The following RGS7 variants were observed in gnomAD, a reference collection of about 807,000 sequenced individuals.
RGS7 encodes regulator of G protein signaling 7.
RGS7 carries 27 observed loss-of-function variants against 81.1 expected under a neutral mutation model. The observed-to-expected ratio is 0.33, with a 90% CI of 0.25 to 0.46. The LOEUF is 0.46. Ranked by LOEUF, RGS7 falls within the 20% of genes least tolerant of loss-of-function variation. The pLI, the probability that RGS7 is intolerant of heterozygous loss-of-function variation, is 1.00. For synonymous variants in RGS7, 208 were observed against 207.7 expected (o/e 1.00, Z -0.01); for missense variants, 396 against 607.4 (o/e 0.65, Z 3.66).
intron 2 of RGS7, among the ~76,000 whole-genome samples, chr1:241,307,126 T>C (rs573918272): frequency 6.6e-6 from 1 of 152,346 alleles, no homozygotes; most frequent in African/African-American, 2.4e-5. Flanking sequence ...AATATGACCA[T>C]ACAAAATGCT....
chr1:241,084,753 A>T (rs1219740400), intron 3 of RGS7, among the ~76,000 whole-genome samples: 1 of 152,234 alleles, frequency 6.6e-6, no homozygotes, highest in African/African-American at 2.4e-5. Context: ...TGCCTTAATT[A>T]TCAACATTTT....
chr1:241,253,142 A>G (rs2148226292), intron 2 of RGS7, among the ~76,000 whole-genome samples: 1 of 152,336 alleles, frequency 6.6e-6, no homozygotes, highest in Non-Finnish European at 1.5e-5. Flanking sequence ...TTAACTCCAG[A>G]ATTTATGAAG....
In RGS7 at chr1:240,806,899, A is replaced by G. The variant is rs116410324; in HGVS notation, c.1083-573T>C. Reference sequence around the variant, plus strand: ...TTTGCTGGAGTTAAAAGAGGCCTGGACATAAGATCAGAAAATGCTCTGGCT... The same window carrying G: ...TTTGCTGGAGTTAAAAGAGGCCTGGGCATAAGATCAGAAAATGCTCTGGCT... On this transcript the variant is annotated intron_variant, in intron 14 of 18. Transcript: ENST00000440928. 6.3e-3 allele frequency among the ~76,000 whole-genome samples: 953 copies of G among 152,312 alleles called. 7 individuals carry two copies. The highest frequency in any genetic ancestry group is 0.021 in the African/African-American group (858 of 41,548).
chr1:241,313,084 AG>A (rs2080648352), intron 2 of RGS7, among the ~76,000 whole-genome samples: 6 of 152,246 alleles, frequency 3.9e-5, no homozygotes, highest in African/African-American at 1.2e-4. Context: ...AGGAAGTCAC[AG>A]GAGAAAATTT....
intron 18 of RGS7, among the ~76,000 whole-genome samples, chr1:240,789,400 A>G (rs1000953563): frequency 3.3e-5 from 5 of 152,254 alleles, no homozygotes; most frequent in African/African-American, 4.8e-5. Flanking sequence ...AGCAATGTTC[A>G]GGGAACAAGA....
chr1:241,190,027 T>C (rs182331303), intron 2 of RGS7, among the ~76,000 whole-genome samples: 5,959 of 151,818 alleles, frequency 0.039, 147 homozygotes, highest in Non-Finnish European at 0.061. Context: ...GGCGTGAACC[T>C]GGGAGGCGGA....
chr1:240,997,624 A>C (rs567833265), intron 3 of RGS7, among the ~76,000 whole-genome samples: 1 of 152,330 alleles, frequency 6.6e-6, no homozygotes, highest in Admixed American at 6.5e-5. Flanking sequence ...CAGGAGTTCG[A>C]GACCAGCCTG....
At chr1:240,923,326 G>T (rs1172407086) in intron 6 of RGS7, among the ~76,000 whole-genome samples, 1 of 151,964 alleles carries the variant, frequency 6.6e-6, no homozygotes, top group African/African-American at 2.4e-5. Flanking sequence ...ATGGACTTTT[G>T]TTAACAATTA....
At chr1:241,106,470 T>C (rs1326094499) in intron 2 of RGS7, among the ~76,000 whole-genome samples, 5 of 151,882 alleles carry the variant, frequency 3.3e-5, no homozygotes. Flanking sequence ...ATCCCAGCAC[T>C]TGGGAAGCCG....
chr1:241,215,732 C>A (rs973671830), intron 2 of RGS7, among the ~76,000 whole-genome samples: 2 of 152,170 alleles, frequency 1.3e-5, no homozygotes, highest in African/African-American at 4.8e-5. Context: ...CAATGTCATT[C>A]CCTTGTTTGA....
chr1:241,182,649 T>C (rs981168439), intron 2 of RGS7, among the ~76,000 whole-genome samples: 1 of 52,046 alleles, frequency 1.9e-5, no homozygotes, highest in South Asian at 7.2e-4. Context: ...CATCTCACGC[T>C]TTTTTTTTTT....
At chr1:241,236,067 G>A (rs1023813966) in intron 2 of RGS7, among the ~76,000 whole-genome samples, 3 of 152,016 alleles carry the variant, frequency 2.0e-5, no homozygotes, top group Non-Finnish European at 4.4e-5. Flanking sequence ...GAGACCATGA[G>A]ATGACAAGGA....
In RGS7 at chr1:240,960,703, C is replaced by T. The variant is rs558460303; in HGVS notation, c.226+22376G>A. Among the ~76,000 whole-genome samples the T allele has an allele frequency of 2.6e-5, 4 of 152,190 alleles. No individual in the cohort carries two copies. In the East Asian group the frequency reaches 5.8e-4, roughly 22 times the overall value. On this transcript the variant is annotated intron_variant, in intron 4 of 18. Coordinates refer to ENST00000440928, the MANE Select transcript of RGS7 (RefSeq NM_001364886.1). ...ACATTCCTTAACCTATGTACAGTCA[C>T]TTAATTCTGCCCATGAAAAGCAATG...
At chr1:240,888,434 G>A (rs1158603575) in intron 6 of RGS7, among the ~76,000 whole-genome samples, 1 of 152,198 alleles carries the variant, frequency 6.6e-6, no homozygotes, top group Non-Finnish European at 1.5e-5. Flanking sequence ...AGACAGGTGT[G>A]TGTGGATACT....
At chr1:241,302,462 T>C (rs921608543) in intron 2 of RGS7, among the ~76,000 whole-genome samples, 3 of 152,072 alleles carry the variant, frequency 2.0e-5, no homozygotes, top group Non-Finnish European at 4.4e-5. Flanking sequence ...GGCAGGAGAA[T>C]GGCCTGAACC....
chr1:241,339,754 T>C (rs936027355), intron 2 of RGS7, among the ~76,000 whole-genome samples: 6 of 152,128 alleles, frequency 3.9e-5, no homozygotes, highest in African/African-American at 1.4e-4. Flanking sequence ...TAAGAGCGCT[T>C]TCTGAATATT....
intron 13 of RGS7, among the ~76,000 whole-genome samples, 194 bp downstream of exon 13, chr1:240,813,409 TGCAAATCTTAATGCA>T (rs1690240998): frequency 5.2e-5 from 1 of 19,068 alleles, no homozygotes; most frequent in African/African-American, 9.6e-5. Flanking sequence ...TTTCCAGCAA[TGCAAATCTTAATGCA>T]AATGCAAATC....
chr1:241,052,234 C>T (rs560000215), intron 3 of RGS7, among the ~76,000 whole-genome samples: 3 of 152,058 alleles, frequency 2.0e-5, no homozygotes, highest in Admixed American at 1.3e-4. Context: ...GAAATGTCAA[C>T]GCAGCAAGTG....
chr1:241,148,041 TTTTC>T (rs1390107035), intron 2 of RGS7, among the ~76,000 whole-genome samples: 3 of 126,428 alleles, frequency 2.4e-5, no homozygotes, highest in Non-Finnish European at 3.6e-5. Flanking sequence ...ATTTTCTTTC[TTTTC>T]TTTTTCTTTT....
Sources: allele counts gnomAD v4.1 joint callset (sites outside exome capture counted in the v4.1 genomes callset), GRCh38; gene constraint gnomAD v4.1.1; transcripts MANE v1.5; gene names NCBI Gene and HGNC (gene_info 2026-07-23, HGNC 2026-07-21).